The following SNRNP70 variants were observed in gnomAD, a reference collection of about 807,000 sequenced individuals.
The protein encoded by SNRNP70 is U1 small nuclear ribonucleoprotein 70 kDa.
Under a neutral mutation model 50.5 loss-of-function variants are expected in SNRNP70, and 8 were observed. That is an observed-to-expected ratio of 0.16 (90% CI 0.09 to 0.29). The LOEUF is 0.29. Among genes scored for constraint, SNRNP70 ranks in the 10% least tolerant of loss-of-function variants. The pLI, the probability that SNRNP70 is intolerant of heterozygous loss-of-function variation, is 1.00. For synonymous variants in SNRNP70, 320 were observed against 252.9 expected (o/e 1.27, Z -2.52); for missense variants, 529 against 663.5 (o/e 0.80, Z 2.23).
Position 49,104,465 on chromosome 19 carries a change from C to T in SNRNP70, c.476-169C>T, listed in dbSNP as rs536613731. Reference sequence around the variant, plus strand: ...CGCTGAGATGGAGCAGGCCCTTCACCGGTTTGGGAGAGGGTTGGTCTGGCT... The same window carrying T: ...CGCTGAGATGGAGCAGGCCCTTCACTGGTTTGGGAGAGGGTTGGTCTGGCT... On this transcript the variant is annotated intron_variant, in intron 7 of 9. Coordinates refer to ENST00000598441, the MANE Select transcript of SNRNP70 (RefSeq NM_003089.6). This position sits in a 1 kb window ranked among gnomAD's most constrained non-coding sequence, Gnocchi z 5.4. 1.1e-5 allele frequency: 7 copies of T among 614,732 alleles called. No individual in the cohort carries two copies. The highest frequency in any genetic ancestry group is 3.7e-5 in the South Asian group (2 of 54,472). 38.1% of individuals were successfully genotyped at this position (614,732 alleles called of 1,614,324 possible).
At chr19:49,086,687 C>T (rs1427929477) in intron 2 of SNRNP70, 126 bp downstream of exon 2, 2 of 865,056 alleles carry the variant, frequency 2.3e-6, no homozygotes, top group Non-Finnish European at 3.8e-6. Context: ...CTTTGTGATC[C>T]TCAGTTTCTC....
chr19:49,089,418 A>G (rs1344728218), intron 2 of SNRNP70, among the ~76,000 whole-genome samples: 1 of 151,688 alleles, frequency 6.6e-6, no homozygotes, highest in Non-Finnish European at 1.5e-5. Context: ...CGGAGGTTGC[A>G]GTGAGCCCAG....
chr19:49,095,012 G>T (rs2040495312), intron 4 of SNRNP70, among the ~76,000 whole-genome samples: 1 of 152,260 alleles, frequency 6.6e-6, no homozygotes, highest in African/African-American at 2.4e-5. Flanking sequence ...AGGGAGAGCT[G>T]CCGTCAGGGC....
chr19:49,101,283 G>GTCA, intron 6 of SNRNP70, 107 bp from the exon 7 acceptor site: 1 of 779,600 alleles, frequency 1.3e-6, no homozygotes, highest in Non-Finnish European at 2.3e-6. Context: ...GACAGAGAGG[G>GTCA]TCTGAGGCCT....
chr19:49,094,505 A>G (rs1330925410), intron 4 of SNRNP70, among the ~76,000 whole-genome samples: 1 of 152,184 alleles, frequency 6.6e-6, no homozygotes, highest in East Asian at 1.9e-4. Context: ...TCTCAAAAAA[A>G]TGCAGTGGGC....
chr19:49,085,536 C>T lies in SNRNP70; in HGVS notation c.-111C>T, dbSNP rs2040365420. 1 of 455,832 alleles carries T rather than the reference C, an allele frequency of 2.2e-6. No homozygotes were observed. Among genetic ancestry groups the T allele is most frequent in the African/African-American group, 2.0e-5 (1 of 50,088 alleles). 28.2% of individuals were successfully genotyped at this position (455,832 alleles called of 1,614,324 possible). ...CGACGGAATCAGACGGACGTGGACG[C>T]CCCCGGAGTGGAAGCCGAAGCAGGA... On this transcript the variant is annotated 5_prime_UTR_variant, in exon 1 of 10. Transcript: ENST00000598441.
intron 4 of SNRNP70, among the ~76,000 whole-genome samples, chr19:49,097,542 A>G (rs2040528682): frequency 6.6e-6 from 1 of 152,144 alleles, no homozygotes; most frequent in African/African-American, 2.4e-5. Flanking sequence ...AAATGGGTTA[A>G]TGTTATTCCT....
chr19:49,099,002 G>A (rs1055003609), intron 6 of SNRNP70, among the ~76,000 whole-genome samples: 4 of 152,228 alleles, frequency 2.6e-5, no homozygotes, highest in African/African-American at 7.2e-5. Flanking sequence ...TGCTACTGTT[G>A]TAAGGCAGGG....
Position 49,085,619 on chromosome 19 carries a change from CGAGGAGG to C in SNRNP70, c.-26_-20del, listed in dbSNP as rs2122292302. ...GCGAGCCTCCGGACAGACGCCAGAG[CGAGGAGG>C]GCGCTACGCGGTGAGTGAGTGTGAC... On this transcript the variant is annotated 5_prime_UTR_variant, in exon 1 of 10. Coordinates refer to ENST00000598441, the MANE Select transcript of SNRNP70 (RefSeq NM_003089.6). 1.3e-5 allele frequency: 6 copies of C among 456,088 alleles called. No individual in the cohort carries two copies. The highest frequency in any genetic ancestry group is 9.3e-5 in the South Asian group (6 of 64,558). The allele number at this position is 456,088 out of a possible 1,614,324, so 28.3% of individuals were successfully genotyped here.
intron 7 of SNRNP70, chr19:49,102,038 G>A: frequency 1.4e-6 from 1 of 695,482 alleles, no homozygotes; most frequent in African/African-American, 1.8e-5. Context: ...GGCAGGGATG[G>A]GTGGGGGAGG....
chr19:49,097,259 A>C (rs930473869), intron 4 of SNRNP70, among the ~76,000 whole-genome samples: 5 of 152,270 alleles, frequency 3.3e-5, no homozygotes, highest in African/African-American at 4.8e-5. Flanking sequence ...TGAGAGGTGA[A>C]GTCTGCCTTG....
chr19:49,095,603 C>T (rs1487536003), intron 4 of SNRNP70, among the ~76,000 whole-genome samples: 1 of 149,610 alleles, frequency 6.7e-6, no homozygotes, highest in Non-Finnish European at 1.5e-5. Flanking sequence ...GGCACGATCT[C>T]GGTTTACTGC....
chr19:49,098,722 G>A lies in SNRNP70; in HGVS notation c.393+18G>A. 6.2e-7 allele frequency: 1 copy of A among 1,609,498 alleles called. No individual in the cohort carries two copies. The highest frequency in any genetic ancestry group is 2.2e-5 in the East Asian group (1 of 44,862). On this transcript the variant is annotated intron_variant, in intron 6 of 9. Coordinates refer to ENST00000598441, the MANE Select transcript of SNRNP70 (RefSeq NM_003089.6). ...TCAAAAGAGTAAGTGGAGTGGGTCAGGGTGTTTGAATTGGGGGTGCATGGA... is the reference window on the plus strand; with the variant it reads ...TCAAAAGAGTAAGTGGAGTGGGTCAAGGTGTTTGAATTGGGGGTGCATGGA...
chr19:49,097,857 G>A (rs2040532413), intron 4 of SNRNP70, among the ~76,000 whole-genome samples: 1 of 152,222 alleles, frequency 6.6e-6, no homozygotes, highest in African/African-American at 2.4e-5. Context: ...CAGTTCCTGG[G>A]TTCCTTTTTA....
In SNRNP70 at chr19:49,104,805, C is replaced by G. The variant is rs1304021863; in HGVS notation, c.577+70C>G. 1.1e-6 allele frequency: 1 copy of G among 924,550 alleles called. No homozygotes were observed. The highest frequency in any genetic ancestry group is 1.7e-5 in the South Asian group (1 of 58,368). 57.3% of individuals were successfully genotyped at this position (924,550 alleles called of 1,614,324 possible). On this transcript the variant is annotated intron_variant, in intron 8 of 9. Coordinates refer to ENST00000598441, the MANE Select transcript of SNRNP70 (RefSeq NM_003089.6). The surrounding 1 kb of genome is among the most constrained non-coding windows in gnomAD (Gnocchi z 5.4). ...TGGTGGCCTTGTTCTCCCTTCTCTGCTGCTTTCTGCTTCTCTGTCTCCTGC... is the reference window on the plus strand; with the variant it reads ...TGGTGGCCTTGTTCTCCCTTCTCTGGTGCTTTCTGCTTCTCTGTCTCCTGC...
At chr19:49,094,307 T>C (rs1050247400) in intron 4 of SNRNP70, among the ~76,000 whole-genome samples, 2 of 151,800 alleles carry the variant, frequency 1.3e-5, no homozygotes, top group African/African-American at 4.8e-5. Context: ...CAGGTTCGAG[T>C]GGTGAATATG....
chr19:49,088,472 T>TA (rs1400414124), intron 2 of SNRNP70, among the ~76,000 whole-genome samples: 1 of 144,814 alleles, frequency 6.9e-6, no homozygotes, highest in Non-Finnish European at 1.5e-5. Flanking sequence ...GTGCTGGGAT[T>TA]ACAGACGTGA....
At chr19:49,094,709 C>G (rs2040491012) in intron 4 of SNRNP70, among the ~76,000 whole-genome samples, 3 of 152,240 alleles carry the variant, frequency 2.0e-5, no homozygotes, top group South Asian at 4.1e-4. Context: ...TAGAAGCTTG[C>G]TGTGCCTTGT....
In SNRNP70 at chr19:49,108,445, G is replaced by A. The variant is rs1059034; in HGVS notation, c.*2G>A. Reference sequence around the variant, plus strand: ...TTGATGGAGGCTGCGCCGGAGTGAAGAGGTCGTCCTCTCCATCTGCTGTGT... The same window carrying A: ...TTGATGGAGGCTGCGCCGGAGTGAAAAGGTCGTCCTCTCCATCTGCTGTGT... On this transcript the variant is annotated 3_prime_UTR_variant, in exon 10 of 10. Coordinates refer to ENST00000598441, the MANE Select transcript of SNRNP70 (RefSeq NM_003089.6). 2 of 1,593,512 alleles carry A rather than the reference G, an allele frequency of 1.3e-6. No individual in the cohort carries two copies. The highest frequency in any genetic ancestry group is 8.5e-7 in the Non-Finnish European group (1 of 1,170,888).
Sources: allele counts gnomAD v4.1 joint callset (sites outside exome capture counted in the v4.1 genomes callset), GRCh38; gene constraint gnomAD v4.1.1; non-coding constraint Gnocchi (gnomAD v3.1); transcripts MANE v1.5; gene names NCBI Gene and HGNC (gene_info 2026-07-23, HGNC 2026-07-21).